The following APBA1 variants were observed in gnomAD, a reference collection of about 807,000 sequenced individuals.
The protein encoded by APBA1 is amyloid-beta A4 precursor protein-binding family A member 1.
A neutral mutation model predicts 86.6 loss-of-function variants in APBA1; 55 were observed. The observed-to-expected ratio is 0.64, with a 90% CI of 0.51 to 0.80. APBA1 has a LOEUF of 0.80. Ranked by LOEUF, APBA1 falls within the 30% of genes least tolerant of loss-of-function variation. The pLI is 0.00. For synonymous variants in APBA1, 511 were observed against 493.9 expected (o/e 1.03, Z -0.46); for missense variants, 1,090 against 1,183.0 (o/e 0.92, Z 1.15).
intron 3 of APBA1, chr9:69,474,239 A>C (rs1424288939): frequency 6.6e-6 from 1 of 152,192 alleles, no homozygotes; most frequent in Non-Finnish European, 1.5e-5. Context: ...GTAGTCTGTG[A>C]CCTGCAAACA....
chr9:69,526,783 C>T (rs1836349804), intron 1 of APBA1, among the ~76,000 whole-genome samples: 1 of 152,102 alleles, frequency 6.6e-6, no homozygotes, highest in Non-Finnish European at 1.5e-5. Context: ...ATGTTCATCA[C>T]AGCACTATTC....
At chr9:69,638,459 T>A (rs548734399) in intron 1 of APBA1, among the ~76,000 whole-genome samples, 214 of 152,316 alleles carry the variant, frequency 1.4e-3, no homozygotes, top group Non-Finnish European at 2.3e-3. Context: ...CAGGCTGATC[T>A]CGAACTCCAG....
chr9:69,646,197 G>T (rs1490441820), intron 1 of APBA1, among the ~76,000 whole-genome samples: 13 of 152,024 alleles, frequency 8.6e-5, no homozygotes, highest in Admixed American at 8.5e-4. Context: ...TGCTGTATTT[G>T]TTGCACCCAC....
At chr9:69,635,071 C>G (rs576361397) in intron 1 of APBA1, among the ~76,000 whole-genome samples, 3 of 152,174 alleles carry the variant, frequency 2.0e-5, no homozygotes, top group Admixed American at 2.0e-4. Flanking sequence ...CACAGAAAAA[C>G]ACAGAATATT....
intron 1 of APBA1, among the ~76,000 whole-genome samples, chr9:69,545,744 A>G (rs1273861498): frequency 6.6e-6 from 1 of 152,252 alleles, no homozygotes; most frequent in African/African-American, 2.4e-5. Context: ...GTCATCACGC[A>G]TTCATGATGA....
chr9:69,496,776 T>C (rs1013072983), intron 2 of APBA1, among the ~76,000 whole-genome samples: 5 of 152,178 alleles, frequency 3.3e-5, no homozygotes, highest in African/African-American at 1.2e-4. Flanking sequence ...GGGGTGTTGA[T>C]TCTCAAGAGT....
chr9:69,557,654 G>A (rs1176443834), intron 1 of APBA1, among the ~76,000 whole-genome samples: 2 of 152,168 alleles, frequency 1.3e-5, no homozygotes, highest in Non-Finnish European at 2.9e-5. Context: ...CAGGCATTTG[G>A]CTTGGATGGT....
intron 1 of APBA1, among the ~76,000 whole-genome samples, chr9:69,668,557 C>A (rs937523694): frequency 6.6e-6 from 1 of 152,174 alleles, no homozygotes; most frequent in Non-Finnish European, 1.5e-5. Context: ...AAAAGTATTG[C>A]CCCAAAGCAC....
At chr9:69,641,826 G>A (rs1456236785) in intron 1 of APBA1, among the ~76,000 whole-genome samples, 1 of 152,126 alleles carries the variant, frequency 6.6e-6, no homozygotes, top group East Asian at 1.9e-4. Context: ...TTTGGGCTAG[G>A]TGAAGATTTC....
chr9:69,514,088 C>A (rs1836094733), intron 2 of APBA1, among the ~76,000 whole-genome samples: 1 of 152,176 alleles, frequency 6.6e-6, no homozygotes, highest in Non-Finnish European at 1.5e-5. Flanking sequence ...GATTGTGACA[C>A]CTAAGCTTGC....
intron 1 of APBA1, among the ~76,000 whole-genome samples, chr9:69,664,714 T>C (rs1823812829): frequency 6.6e-6 from 1 of 152,212 alleles, no homozygotes. Flanking sequence ...CAAGTTGACA[T>C]AAAGTCTTTT....
At chr9:69,442,225 G>T (rs1834836006) in intron 10 of APBA1, among the ~76,000 whole-genome samples, 1 of 152,234 alleles carries the variant, frequency 6.6e-6, no homozygotes, top group Admixed American at 6.5e-5. Context: ...GATAGCAGGT[G>T]CCTTCCCACC....
At chr9:69,660,791 T>A (rs1823738949) in intron 1 of APBA1, among the ~76,000 whole-genome samples, 1 of 152,206 alleles carries the variant, frequency 6.6e-6, no homozygotes, top group East Asian at 1.9e-4. Context: ...ACTATACATA[T>A]GCTATTATCT....
intron 1 of APBA1, among the ~76,000 whole-genome samples, chr9:69,542,267 C>T (rs924740625): frequency 7.9e-5 from 12 of 152,124 alleles, no homozygotes; most frequent in African/African-American, 2.2e-4. Flanking sequence ...ACTGGCACAT[C>T]GTTATAAAAC....
At chr9:69,565,520 T>C (rs1182178457) in intron 1 of APBA1, among the ~76,000 whole-genome samples, 1 of 152,194 alleles carries the variant, frequency 6.6e-6, no homozygotes, top group African/African-American at 2.4e-5. Context: ...GGCAGCTGCC[T>C]ACTGGCAGTC....
intron 1 of APBA1, among the ~76,000 whole-genome samples, chr9:69,650,298 T>C (rs548615087): frequency 6.6e-5 from 10 of 152,366 alleles, no homozygotes; most frequent in African/African-American, 2.2e-4. Context: ...CTTTGAGCAA[T>C]GTCTTATGCT....
chr9:69,481,931 A>T (rs1835517567), intron 2 of APBA1, among the ~76,000 whole-genome samples: 1 of 151,692 alleles, frequency 6.6e-6, no homozygotes, highest in African/African-American at 2.4e-5. Flanking sequence ...TAGAAAGCTG[A>T]AACTGGATCC....
rs546751858 is a variant in APBA1, at chr9:69,486,830, C to T, written c.1201-10687G>A. On this transcript the variant is annotated intron_variant, in intron 2 of 12. Coordinates refer to ENST00000265381, the MANE Select transcript of APBA1 (RefSeq NM_001163.4). ...ACCAACAGCCACAGCTCAGCTCCTA[C>T]TCTCTGCCCCGGGAGTAGATATTTT... Among the ~76,000 whole-genome samples, 6 of 151,894 alleles carry T rather than the reference C, an allele frequency of 4.0e-5. 1 individual carries two copies. In the East Asian group the frequency reaches 1.2e-3, roughly 29 times the overall value.
rs140221895 is a variant in APBA1 at position 69,643,081 on chromosome 9, T to C, written c.-70+29072A>G. Among the ~76,000 whole-genome samples the C allele has an allele frequency of 2.5e-3, 381 of 152,122 alleles. 2 individuals are homozygous for C. Among genetic ancestry groups the C allele is most frequent in the African/African-American group, 8.7e-3 (360 of 41,498 alleles). ...CTCCACACACAGCCTGTTGGTTCTG[T>C]TTCTCTGGAGAACTCTGACTACTAA... On this transcript the variant is annotated intron_variant, in intron 1 of 12. Coordinates refer to ENST00000265381, the MANE Select transcript of APBA1 (RefSeq NM_001163.4).
Sources: allele counts gnomAD v4.1 joint callset (sites outside exome capture counted in the v4.1 genomes callset), GRCh38; gene constraint gnomAD v4.1.1; transcripts MANE v1.5; gene names NCBI Gene and HGNC (gene_info 2026-07-23, HGNC 2026-07-21).